Variants in FBXW11 observed in about 807,000 individuals in gnomAD.
FBXW11 encodes F-box/WD repeat-containing protein 11.
In FBXW11, 19 loss-of-function variants were observed where a neutral mutation model predicts 77.6. The observed-to-expected ratio is 0.24, with a 90% CI of 0.17 to 0.36. The LOEUF (loss-of-function observed/expected upper bound fraction) is 0.36. FBXW11 is among the 10% of genes least tolerant of loss of function. FBXW11 has a pLI of 1.00. For synonymous variants in FBXW11, 235 were observed against 249.4 expected (o/e 0.94, Z 0.54); for missense variants, 334 against 704.2 (o/e 0.47, Z 5.95).
At chr5:171,947,878 C>A (rs1355090166) in intron 2 of FBXW11, among the ~76,000 whole-genome samples, 1 of 152,026 alleles carries the variant, frequency 6.6e-6, no homozygotes, top group Non-Finnish European at 1.5e-5. Context: ...GTTCACACCA[C>A]TGCACTCTAG....
chr5:171,973,609 A>G (rs1341044151), intron 1 of FBXW11, among the ~76,000 whole-genome samples: 1 of 152,280 alleles, frequency 6.6e-6, no homozygotes, highest in African/African-American at 2.4e-5. Context: ...GGATGAGATC[A>G]TAGACCAGAA....
chr5:171,891,382 A>T, intron 7 of FBXW11, 85 bp downstream of exon 7: 1 of 1,307,774 alleles, frequency 7.6e-7, no homozygotes, highest in African/African-American at 1.5e-5. Context: ...AAACCAATCT[A>T]GAGTAAATGG....
chr5:171,970,478 T>C (rs1014668554), intron 1 of FBXW11, among the ~76,000 whole-genome samples: 1 of 152,246 alleles, frequency 6.6e-6, no homozygotes, highest in African/African-American at 2.4e-5. Flanking sequence ...TAGCTCTTTA[T>C]GCAGTATGAG....
At chr5:171,973,342 T>C (rs1228991906) in intron 1 of FBXW11, among the ~76,000 whole-genome samples, 2 of 152,356 alleles carry the variant, frequency 1.3e-5, no homozygotes, top group Admixed American at 1.3e-4. Flanking sequence ...GCGATTTTTA[T>C]AGATTCAAAG....
At chr5:171,901,735 C>T (rs905022944) in intron 4 of FBXW11, among the ~76,000 whole-genome samples, 3 of 152,176 alleles carry the variant, frequency 2.0e-5, no homozygotes, top group Non-Finnish European at 4.4e-5. Context: ...ACAATTTCCC[C>T]GAATGCTCTA....
At chr5:171,919,788 G>A (rs1245260756) in intron 2 of FBXW11, among the ~76,000 whole-genome samples, 4 of 152,130 alleles carry the variant, frequency 2.6e-5, no homozygotes, top group Admixed American at 2.0e-4. Flanking sequence ...CAGTTAGACT[G>A]CATATATATT....
intron 1 of FBXW11, among the ~76,000 whole-genome samples, chr5:171,981,922 C>G (rs1206354896): frequency 6.6e-6 from 1 of 152,170 alleles, no homozygotes; most frequent in African/African-American, 2.4e-5. Context: ...AGAGTGCATA[C>G]AGTATGTGCA....
intron 2 of FBXW11, 58 bp from the exon 3 acceptor site, chr5:171,914,463 C>G (rs1473509268): frequency 1.4e-6 from 2 of 1,422,534 alleles, no homozygotes. Flanking sequence ...TCCTAAATAA[C>G]TACAATAAAT....
Position 171,869,655 on chromosome 5 carries a change from A to C in FBXW11, c.1530+74T>G. ...AGACACACAAGCGTTCCTGTGATAC[A>C]CCTAGACAGGACTATCTGCAAATGG... On this transcript the variant is annotated intron_variant, in intron 12 of 13. Transcript: ENST00000517395. The surrounding 1 kb of genome is among the most constrained non-coding windows in gnomAD (Gnocchi z 4.1). 1 of 1,145,076 alleles carries C rather than the reference A, an allele frequency of 8.7e-7. No individual in the cohort carries two copies. The highest frequency in any genetic ancestry group is 1.2e-6 in the Non-Finnish European group (1 of 801,624). The allele number at this position is 1,145,076 out of a possible 1,614,324, so 70.9% of individuals were successfully genotyped here. A position where few individuals can be genotyped will look rare whatever the true frequency, so the allele number is the denominator to read the frequency against.
Position 171,891,607 on chromosome 5 carries a change from AG to A in FBXW11, c.715-4del, listed in dbSNP as rs1447614182. 1.2e-6 allele frequency: 2 copies of A among 1,605,568 alleles called. No individual in the cohort carries two copies. Among genetic ancestry groups the A allele is most frequent in the Non-Finnish European group, 8.5e-7 (1 of 1,177,558 alleles). On this transcript the variant is annotated splice_polypyrimidine_tract_variant and splice_region_variant and intron_variant, in intron 6 of 13. Transcript: ENST00000517395. Reference sequence around the variant, plus strand: ...CACCGCCAGTTAGATTCTATAGTCTAGGGAAAAAAGGAGGCAAGAGATGAGT... The same window carrying A: ...CACCGCCAGTTAGATTCTATAGTCTAGGAAAAAAGGAGGCAAGAGATGAGT...
At chr5:172,002,660 G>A (rs186572767) in intron 1 of FBXW11, among the ~76,000 whole-genome samples, 139 of 144,680 alleles carry the variant, frequency 9.6e-4, no homozygotes, top group African/African-American at 3.0e-3. Flanking sequence ...AACATTTCCA[G>A]TAACTTCATT....
intron 1 of FBXW11, among the ~76,000 whole-genome samples, chr5:171,963,729 A>G (rs1410255409): frequency 6.6e-6 from 1 of 152,180 alleles, no homozygotes; most frequent in East Asian, 1.9e-4. Flanking sequence ...TAAGGGGTGA[A>G]GCATAACATC....
chr5:171,979,017 C>A (rs533468125), intron 1 of FBXW11, among the ~76,000 whole-genome samples: 1 of 152,070 alleles, frequency 6.6e-6, no homozygotes, highest in Non-Finnish European at 1.5e-5. Flanking sequence ...CATGTCACAT[C>A]ATGTTCATAA....
chr5:171,970,534 T>A (rs1449188241), intron 1 of FBXW11, among the ~76,000 whole-genome samples: 2 of 152,204 alleles, frequency 1.3e-5, no homozygotes, highest in African/African-American at 4.8e-5. Context: ...AAACAAGCCC[T>A]CTACTATTTT....
chr5:171,937,408 T>C (rs189728002), intron 2 of FBXW11, among the ~76,000 whole-genome samples: 1 of 152,300 alleles, frequency 6.6e-6, no homozygotes, highest in African/African-American at 2.4e-5. Context: ...GGGTCAGATG[T>C]AAATATTTTG....
At chr5:171,872,187 G>C (rs1049663727) in intron 10 of FBXW11, among the ~76,000 whole-genome samples, 1 of 152,130 alleles carries the variant, frequency 6.6e-6, no homozygotes, top group Admixed American at 6.5e-5. Flanking sequence ...AAAGCTACTA[G>C]CATGTGTTTG....
intron 6 of FBXW11, among the ~76,000 whole-genome samples, chr5:171,892,018 T>C (rs1561655121): frequency 2.0e-5 from 3 of 152,230 alleles, no homozygotes; most frequent in Admixed American, 2.0e-4. Flanking sequence ...TCTTGATCAC[T>C]GAGGAAAGAT....
intron 1 of FBXW11, among the ~76,000 whole-genome samples, chr5:172,003,840 T>C (rs527746698): frequency 6.6e-6 from 1 of 152,332 alleles, no homozygotes; most frequent in African/African-American, 2.4e-5. Context: ...GATTAGAAAA[T>C]GGAGATAACC....
intron 2 of FBXW11, among the ~76,000 whole-genome samples, chr5:171,929,024 G>A (rs1334097990): frequency 6.6e-6 from 1 of 152,082 alleles, no homozygotes. Context: ...AGTGAGCTGA[G>A]GTCGTGCCAC....
Sources: allele counts gnomAD v4.1 joint callset (sites outside exome capture counted in the v4.1 genomes callset), GRCh38; gene constraint gnomAD v4.1.1; non-coding constraint Gnocchi (gnomAD v3.1); transcripts MANE v1.5; gene names NCBI Gene and HGNC (gene_info 2026-07-23, HGNC 2026-07-21).